Variants in LRP1B observed in about 807,000 individuals in gnomAD.
The protein encoded by LRP1B is low-density lipoprotein receptor-related protein 1B.
LRP1B carries 217 observed loss-of-function variants against 556.6 expected under a neutral mutation model. The ratio of observed to expected loss-of-function variants is 0.39; its 90% CI spans 0.35 to 0.44. The LOEUF (loss-of-function observed/expected upper bound fraction) is 0.44, where lower values mean the gene tolerates loss of function less well. Among genes scored for constraint, LRP1B ranks in the 20% least tolerant of loss-of-function variants. The pLI is 1.00. For synonymous variants in LRP1B, 2,047 were observed against 1,865.8 expected (o/e 1.10, Z -2.50); for missense variants, 5,053 against 5,620.8 (o/e 0.90, Z 3.23).
intron 62 of LRP1B, among the ~76,000 whole-genome samples, chr2:140,453,502 G>A (rs1041310795): frequency 2.0e-5 from 3 of 151,908 alleles, no homozygotes; most frequent in Non-Finnish European, 2.9e-5. Flanking sequence ...ACTGTAGACT[G>A]TAATTATCAC....
chr2:141,009,833 T>C (rs72849535), intron 14 of LRP1B, among the ~76,000 whole-genome samples: 425 of 152,060 alleles, frequency 2.8e-3, no homozygotes, highest in Admixed American at 5.5e-3. Context: ...TCTAAAAGTA[T>C]AGTAGATATA....
intron 86 of LRP1B, among the ~76,000 whole-genome samples, chr2:140,251,939 C>T (rs990470153): frequency 6.0e-5 from 9 of 150,880 alleles, no homozygotes; most frequent in Non-Finnish European, 1.2e-4. Context: ...AAATTACACT[C>T]TTTTGGTGGT....
At chr2:142,115,489 A>ATGT (rs373166529) in intron 1 of LRP1B, among the ~76,000 whole-genome samples, 1 of 72,842 alleles carries the variant, frequency 1.4e-5, no homozygotes, top group Non-Finnish European at 2.7e-5. Context: ...TATAATATAT[A>ATGT]ATTATATATA....
intron 43 of LRP1B, among the ~76,000 whole-genome samples, chr2:140,577,375 C>T (rs1285134802): frequency 2.0e-5 from 3 of 151,134 alleles, no homozygotes; most frequent in Non-Finnish European, 2.9e-5. Context: ...CCCAGCTACT[C>T]GGGAGGCTGA....
At chr2:140,630,115 C>G (rs923788045) in intron 41 of LRP1B, among the ~76,000 whole-genome samples, 1 of 152,138 alleles carries the variant, frequency 6.6e-6, no homozygotes, top group Admixed American at 6.5e-5. Flanking sequence ...GCAGTATCAG[C>G]ATTACCTGGG....
At chr2:141,115,697 C>T (rs1238403022) in intron 7 of LRP1B, among the ~76,000 whole-genome samples, 3 of 151,100 alleles carry the variant, frequency 2.0e-5, no homozygotes, top group East Asian at 2.0e-4. Flanking sequence ...TTAGCCAGGA[C>T]GGTCTCGATC....
At chr2:141,372,879 G>A (rs1367523957) in intron 3 of LRP1B, among the ~76,000 whole-genome samples, 1 of 151,692 alleles carries the variant, frequency 6.6e-6, no homozygotes, top group Non-Finnish European at 1.5e-5. Flanking sequence ...CTCCTCTGAC[G>A]TTTGTCATTT....
At chr2:142,079,267 ATTAT>A (rs1349979395) in intron 1 of LRP1B, among the ~76,000 whole-genome samples, 2 of 152,246 alleles carry the variant, frequency 1.3e-5, no homozygotes, top group African/African-American at 4.8e-5. Flanking sequence ...GGATATAATA[ATTAT>A]TTGTTTGTGT....
intron 15 of LRP1B, among the ~76,000 whole-genome samples, chr2:141,003,760 A>T (rs1697491338): frequency 6.6e-6 from 1 of 152,008 alleles, no homozygotes; most frequent in Non-Finnish European, 1.5e-5. Flanking sequence ...TAATGCAGAT[A>T]GTAATAGTAC....
rs114522477 is a variant in LRP1B at position 140,582,145 on chromosome 2, C to T, written c.7194+16486G>A. Among the ~76,000 whole-genome samples the T allele has an allele frequency of 4.7e-3, 716 of 152,116 alleles. 4 individuals are homozygous for T. Among genetic ancestry groups the T allele is most frequent in the African/African-American group, 0.016 (664 of 41,518 alleles). ...TAATTAAAAAAAAATTCTCATTTAC[C>T]GCGTATTTGATTGTACCTTGGGTAA... On this transcript the variant is annotated intron_variant, in intron 43 of 90. Transcript: ENST00000389484.
At chr2:141,196,777 C>A (rs1351391727) in intron 6 of LRP1B, among the ~76,000 whole-genome samples, 2 of 152,088 alleles carry the variant, frequency 1.3e-5, no homozygotes, top group Non-Finnish European at 2.9e-5. Context: ...TCTTCCTGTT[C>A]CAAACTGCAA....
At chr2:141,878,378 C>A (rs867314615) in intron 1 of LRP1B, among the ~76,000 whole-genome samples, 62 of 150,040 alleles carry the variant, frequency 4.1e-4, no homozygotes, top group African/African-American at 1.2e-3. Context: ...ACAACAACAA[C>A]AAAAAAAACA....
chr2:140,961,307 T>G (rs1188035183), intron 18 of LRP1B, among the ~76,000 whole-genome samples: 2 of 152,008 alleles, frequency 1.3e-5, no homozygotes, highest in South Asian at 2.1e-4. Flanking sequence ...TTTTAAAATA[T>G]ATACATTTTT....
chr2:141,969,314 A>G (rs1701656788), intron 1 of LRP1B, among the ~76,000 whole-genome samples: 1 of 151,360 alleles, frequency 6.6e-6, no homozygotes, highest in Non-Finnish European at 1.5e-5. Flanking sequence ...GTACACTATC[A>G]TTTACTATAT....
chr2:141,968,753 C>T (rs932050097), intron 1 of LRP1B, among the ~76,000 whole-genome samples: 3 of 151,568 alleles, frequency 2.0e-5, no homozygotes, highest in Non-Finnish European at 4.4e-5. Context: ...ATACATGTGC[C>T]CCCTTGCTCT....
At chr2:140,471,651 T>C (rs1018514407) in intron 60 of LRP1B, among the ~76,000 whole-genome samples, 8 of 152,220 alleles carry the variant, frequency 5.3e-5, no homozygotes, top group African/African-American at 1.9e-4. Context: ...TCTCCTAAAA[T>C]ATTTTAACAG....
At chr2:141,931,282 G>A (rs1429551181) in intron 1 of LRP1B, among the ~76,000 whole-genome samples, 1 of 151,990 alleles carries the variant, frequency 6.6e-6, no homozygotes, top group Non-Finnish European at 1.5e-5. Flanking sequence ...ACATCGTAGG[G>A]TGTATGAGCC....
rs141762247 is a variant in LRP1B at position 141,367,369 on chromosome 2, T to G, written c.344-112728A>C. The stretch of plus-strand genomic sequence containing the variant: ...AATTAGACACAGAAAGTTCCCATAA[T>G]AAGAAGCCACACTTGAAATAGTCAG... On this transcript the variant is annotated intron_variant, in intron 3 of 90. Coordinates refer to ENST00000389484, the MANE Select transcript of LRP1B (RefSeq NM_018557.3). 2.6e-3 allele frequency among the ~76,000 whole-genome samples: 393 copies of G among 148,746 alleles called. 1 individual carries two copies. Among genetic ancestry groups the G allele is most frequent in the African/African-American group, 9.2e-3 (373 of 40,698 alleles).
At chr2:140,473,409 A>G (rs1687845758) in intron 60 of LRP1B, among the ~76,000 whole-genome samples, 1 of 151,946 alleles carries the variant, frequency 6.6e-6, no homozygotes, top group Non-Finnish European at 1.5e-5. Flanking sequence ...ATATTTTACT[A>G]TTTAATACAT....
Sources: allele counts gnomAD v4.1 joint callset (sites outside exome capture counted in the v4.1 genomes callset), GRCh38; gene constraint gnomAD v4.1.1; transcripts MANE v1.5; gene names NCBI Gene and HGNC (gene_info 2026-07-23, HGNC 2026-07-21).